Variants in C2CD5 observed in about 807,000 individuals in gnomAD.
C2CD5 encodes the protein C2 calcium dependent domain containing 5.
Under a neutral mutation model 130.3 loss-of-function variants are expected in C2CD5, and 109 were observed. The ratio of observed to expected loss-of-function variants is 0.84; its 90% confidence interval spans 0.72 to 0.98. The LOEUF (loss-of-function observed/expected upper bound fraction) is 0.98. C2CD5 is among the 50% of genes least tolerant of loss of function. C2CD5 has a pLI of 0.00. For missense variants in C2CD5, 996 were observed against 1,261.8 expected (o/e 0.79, Z 3.19); for synonymous variants, 454 against 429.2 (o/e 1.06, Z -0.71).
intron 4 of C2CD5, among the ~76,000 whole-genome samples, chr12:22,527,334 T>G (rs187191684): frequency 7.9e-6 from 1 of 127,148 alleles, no homozygotes; most frequent in East Asian, 2.0e-4. Flanking sequence ...ATATATATTT[T>G]TTTTTTTTTT....
chr12:22,495,988 T>C (rs1946961399), intron 10 of C2CD5, among the ~76,000 whole-genome samples: 2 of 151,982 alleles, frequency 1.3e-5, no homozygotes, highest in African/African-American at 4.8e-5. Context: ...AAGCATACAG[T>C]AGGGAGCACT....
chr12:22,462,605 G>A (rs1456673588), intron 22 of C2CD5, among the ~76,000 whole-genome samples: 6 of 152,196 alleles, frequency 3.9e-5, no homozygotes, highest in African/African-American at 1.4e-4. Context: ...GCATATTAAC[G>A]ACAAAAAGGA....
intron 9 of C2CD5, among the ~76,000 whole-genome samples, chr12:22,512,440 A>T (rs1228457734): frequency 6.6e-6 from 1 of 152,084 alleles, no homozygotes; most frequent in Non-Finnish European, 1.5e-5. Flanking sequence ...AATTACTGAC[A>T]TGACATATAT....
chr12:22,480,821 A>G (rs1274701272), intron 14 of C2CD5, among the ~76,000 whole-genome samples: 1 of 151,320 alleles, frequency 6.6e-6, no homozygotes, highest in Non-Finnish European at 1.5e-5. Context: ...TTTTTTTTTA[A>G]AGACAGGGTC....
chr12:22,472,318 G>A lies in C2CD5; in HGVS notation c.2137C>T (p.Pro713Ser). Residue 713 changes from proline to serine, a missense_variant, in exon 18 of 27, where the codon CCC (proline) becomes TCC (serine). Coordinates refer to ENST00000446597, the MANE Select transcript of C2CD5 (RefSeq NM_001286176.2). ...GFYSCNTEIMPGINNWTSEIQ... is the reference protein window; with the variant it reads ...GFYSCNTEIMSGINNWTSEIQ... Reference sequence around the variant, plus strand: ...TCAGAGGTCCAATTATTTATACCGGGCATAATTTCTGTATTACAACTATAA... The same window carrying A: ...TCAGAGGTCCAATTATTTATACCGGACATAATTTCTGTATTACAACTATAA... 6.6e-7 allele frequency: 1 copy of A among 1,508,146 alleles called. No individual in the cohort carries two copies. The highest frequency in any genetic ancestry group is 9.1e-7 in the Non-Finnish European group (1 of 1,101,140). The allele number at this position is 1,508,146 out of a possible 1,614,324, so 93.4% of individuals were successfully genotyped here. A position where few individuals can be genotyped will look rare whatever the true frequency, so the allele number is the denominator to read the frequency against.
chr12:22,487,508 T>TACC (rs1945700241), intron 12 of C2CD5, among the ~76,000 whole-genome samples: 1 of 152,136 alleles, frequency 6.6e-6, no homozygotes. Context: ...TGAGATACCA[T>TACC]ACCACACCAG....
chr12:22,521,098 T>C (rs1367524406), intron 7 of C2CD5, among the ~76,000 whole-genome samples: 1 of 152,116 alleles, frequency 6.6e-6, no homozygotes, highest in Non-Finnish European at 1.5e-5. Context: ...CCACCTTTTA[T>C]CAAATTCCTG....
chr12:22,482,817 TAA>T, intron 13 of C2CD5, 74 bp from the exon 14 acceptor site: 2 of 1,044,146 alleles, frequency 1.9e-6, no homozygotes, highest in Non-Finnish European at 2.9e-6. Context: ...TAAAACTTGC[TAA>T]AAGTGTGCTG....
chr12:22,525,630 C>T lies in C2CD5; in HGVS notation c.425G>A (p.Cys142Tyr). Residue 142 changes from cysteine to tyrosine, a missense_variant, in exon 5 of 27, where the codon TGT becomes TAT. This residue lies in a region of C2CD5 where 49 missense variants were observed against 52.0 expected (regional missense o/e 0.94). Transcript: ENST00000446597. The stretch of plus-strand genomic sequence containing the variant: ...CTTACTGCAAAAGAATTTGACTCCA[C>T]ATGATGACTGCCTAAATCGATTTAA... ...NDLNRFRQSS[C>Y]GVKFFCTTSI... 1 of 1,560,082 alleles carries T rather than the reference C, an allele frequency of 6.4e-7. No individual in the cohort carries two copies. Among genetic ancestry groups the T allele is most frequent in the Non-Finnish European group, 8.8e-7 (1 of 1,131,318 alleles).
chr12:22,455,291 AG>A (rs1939595730), intron 25 of C2CD5, among the ~76,000 whole-genome samples: 1 of 152,222 alleles, frequency 6.6e-6, no homozygotes, highest in African/African-American at 2.4e-5. Context: ...CAGTAGCTAC[AG>A]AGGATTAATT....
chr12:22,489,067 G>A (rs965402578), intron 12 of C2CD5, among the ~76,000 whole-genome samples: 6 of 151,336 alleles, frequency 4.0e-5, no homozygotes, highest in Non-Finnish European at 8.8e-5. Flanking sequence ...GTGGAGACGG[G>A]GTTTCACCAT....
chr12:22,486,227 C>A (rs1417983416), intron 12 of C2CD5, among the ~76,000 whole-genome samples: 2 of 151,122 alleles, frequency 1.3e-5, no homozygotes, highest in African/African-American at 4.9e-5. Flanking sequence ...CACTCTGAAG[C>A]TTTTGCTTAA....
chr12:22,517,965 A>T, intron 8 of C2CD5, 21 bp downstream of exon 8: 1 of 1,564,014 alleles, frequency 6.4e-7, no homozygotes, highest in East Asian at 2.3e-5. Flanking sequence ...AAAAAATAAA[A>T]GGTGGGTGGA....
chr12:22,460,033 T>A (rs1940789108), intron 22 of C2CD5, among the ~76,000 whole-genome samples: 1 of 152,210 alleles, frequency 6.6e-6, no homozygotes, highest in African/African-American at 2.4e-5. Context: ...CACCACCAAC[T>A]TCTTCATTCG....
intron 2 of C2CD5, among the ~76,000 whole-genome samples, chr12:22,543,402 A>C (rs1255997622): frequency 6.6e-6 from 1 of 152,224 alleles, no homozygotes; most frequent in Non-Finnish European, 1.5e-5. Context: ...ACCCTGAAAC[A>C]CCTCATCAGA....
At chr12:22,482,068 C>A (rs868334261) in intron 14 of C2CD5, among the ~76,000 whole-genome samples, 6 of 152,204 alleles carry the variant, frequency 3.9e-5, no homozygotes, top group Middle Eastern at 3.4e-3. Flanking sequence ...TAATCCACAT[C>A]CTGGGGTAAT....
intron 3 of C2CD5, among the ~76,000 whole-genome samples, chr12:22,530,936 A>T (rs1225250076): frequency 6.6e-6 from 1 of 152,198 alleles, no homozygotes; most frequent in Non-Finnish European, 1.5e-5. Context: ...AGTATCATGA[A>T]AATTACTCTG....
rs916726382 is a variant in C2CD5, at chr12:22,523,685, G to A, written c.602-61C>T. The A allele has an allele frequency of 4.6e-5, 56 of 1,207,976 alleles. 2 individuals carry two copies. The highest frequency in any genetic ancestry group is 4.7e-6 in the Non-Finnish European group (4 of 855,208). 74.8% of individuals were successfully genotyped at this position (1,207,976 alleles called of 1,614,324 possible). A position where few individuals can be genotyped will look rare whatever the true frequency, so the allele number is the denominator to read the frequency against. On this transcript the variant is annotated intron_variant, in intron 6 of 26. Transcript: ENST00000446597. ...GCTTTACATTACATACTATAAGACTGGACATGGTAGTGGTAAAAAAAAAAA... is the reference window on the plus strand; with the variant it reads ...GCTTTACATTACATACTATAAGACTAGACATGGTAGTGGTAAAAAAAAAAA...
At chr12:22,515,798 C>T (rs1236157055) in intron 8 of C2CD5, among the ~76,000 whole-genome samples, 1 of 151,704 alleles carries the variant, frequency 6.6e-6, no homozygotes, top group Non-Finnish European at 1.5e-5. Flanking sequence ...GACGTGAGTA[C>T]CCTAAGGGTC....
Sources: gnomAD v4.1 joint callset for allele counts (sites outside exome capture counted in the v4.1 genomes callset) on GRCh38, gnomAD v4.1.1 for gene constraint, gnomAD v4.1.1 regional missense constraint, MANE v1.5 for transcripts, NCBI Gene and HGNC (gene_info 2026-07-23, HGNC 2026-07-21) for gene names.